Variants in ACOT1 observed in about 807,000 individuals in gnomAD.
ACOT1 encodes the protein acyl-coenzyme A thioesterase 1.
Under a neutral mutation model 15.7 loss-of-function variants are expected in ACOT1, and 8 were observed. That is an observed-to-expected ratio of 0.51 (90% confidence interval 0.30 to 0.92). The LOEUF is 0.92. Among genes scored for constraint, ACOT1 ranks in the 40% least tolerant of loss-of-function variants. The pLI, the probability that ACOT1 is intolerant of heterozygous loss-of-function variation, is 0.06. For missense variants in ACOT1, 151 were observed against 539.4 expected (o/e 0.28, Z 7.13); for synonymous variants, 67 against 241.2 (o/e 0.28, Z 6.69).
At chr14:73,516,515 T>G in the ACOT1 span, among the ~76,000 whole-genome samples, 1 of 148,638 alleles carries the variant, frequency 6.7e-6, no homozygotes, top group African/African-American at 2.5e-5. Flanking sequence ...ATATTTAACC[T>G]CATAGGAATA....
chr14:73,521,765 A>G, the ACOT1 span, among the ~76,000 whole-genome samples: 1 of 152,154 alleles, frequency 6.6e-6, no homozygotes, highest in African/African-American at 2.4e-5. Context: ...TTCCTTATTC[A>G]GAGTAAGGCA....
the ACOT1 span, chr14:73,492,212 T>C: frequency 6.2e-7 from 1 of 1,613,870 alleles, no homozygotes; most frequent in East Asian, 2.2e-5. The surrounding 1 kb of genome is among the most constrained non-coding windows in gnomAD (Gnocchi z 4.9). Flanking sequence ...TTTGCTGTAT[T>C]TTCCTCGGGG....
At chr14:73,509,007 C>T in the ACOT1 span, among the ~76,000 whole-genome samples, 1 of 151,952 alleles carries the variant, frequency 6.6e-6, no homozygotes, top group East Asian at 1.9e-4. Context: ...GCTGGGTCTA[C>T]AGGAGCACAC....
chr14:73,514,017 C>G, the ACOT1 span: 3 of 1,613,218 alleles, frequency 1.9e-6, no homozygotes, highest in Non-Finnish European at 2.5e-6. Flanking sequence ...ATCACAGGAC[C>G]TCCCTTCACT....
the ACOT1 span, chr14:73,523,082 C>T: frequency 2.0e-5 from 32 of 1,612,848 alleles, no homozygotes; most frequent in South Asian, 3.3e-4. Flanking sequence ...CATGCCCCAT[C>T]CCAGTCGTGG....
the ACOT1 span, among the ~76,000 whole-genome samples, chr14:73,528,426 G>T: frequency 6.9e-6 from 1 of 144,500 alleles, no homozygotes; most frequent in Non-Finnish European, 1.5e-5. Flanking sequence ...TTAAGGAATA[G>T]TTATTATCTG....
chr14:73,502,173 C>T, the ACOT1 span, among the ~76,000 whole-genome samples: 1 of 151,706 alleles, frequency 6.6e-6, no homozygotes, highest in Non-Finnish European at 1.5e-5. Context: ...GGATTACAGG[C>T]GTGTGCCACT....
At chr14:73,501,361 G>A in the ACOT1 span, among the ~76,000 whole-genome samples, 1,054 of 151,944 alleles carry the variant, frequency 6.9e-3, 11 homozygotes, top group African/African-American at 0.024. Context: ...TCCTGACCTC[G>A]TGATCTGCCC....
At chr14:73,492,936 T>C in the ACOT1 span, 1 of 1,611,832 alleles carries the variant, frequency 6.2e-7, no homozygotes. The surrounding 1 kb of genome is among the most constrained non-coding windows in gnomAD (Gnocchi z 4.9). Flanking sequence ...CCTCTAGCCC[T>C]AAATTAGTTT....
chr14:73,493,292 T>C, the ACOT1 span: 1 of 591,890 alleles, frequency 1.7e-6, no homozygotes, highest in Non-Finnish European at 3.0e-6. Context: ...TTTGGATCTT[T>C]CATCTGAGTT....
chr14:73,502,703 A>T, the ACOT1 span, among the ~76,000 whole-genome samples: 4 of 152,138 alleles, frequency 2.6e-5, no homozygotes, highest in African/African-American at 9.6e-5. Flanking sequence ...ATGTGCCACC[A>T]CGCCTGGCTA....
chr14:73,491,673 A>G, the ACOT1 span: 5 of 1,549,688 alleles, frequency 3.2e-6, no homozygotes, highest in Non-Finnish European at 3.5e-6. Context: ...GATCACTTTT[A>G]CCGGCGCCTA....
the ACOT1 span, chr14:73,491,736 G>C: frequency 6.4e-7 from 1 of 1,554,332 alleles, no homozygotes; most frequent in Non-Finnish European, 8.7e-7. Flanking sequence ...TACTACCAGG[G>C]ACTTTTCTCT....
At chr14:73,491,929 C>T in the ACOT1 span, 1 of 1,613,734 alleles carries the variant, frequency 6.2e-7, no homozygotes, top group Non-Finnish European at 8.5e-7. Flanking sequence ...CGCAGGCTTT[C>T]TCTACTACTG....
chr14:73,507,605 A>AT, the ACOT1 span, among the ~76,000 whole-genome samples: 17 of 151,210 alleles, frequency 1.1e-4, no homozygotes, highest in African/African-American at 3.6e-4. Context: ...GACTAATTTT[A>AT]TTTCTTTTTT....
chr14:73,539,664 G>C (rs1889007150), intron 1 of ACOT1: 1 of 117,246 alleles, frequency 8.5e-6, no homozygotes, highest in South Asian at 2.7e-4. Context: ...AAGCTGCGGT[G>C]CTGCTGCAGT....
chr14:73,501,696 T>G, the ACOT1 span, among the ~76,000 whole-genome samples: 1 of 148,932 alleles, frequency 6.7e-6, no homozygotes, highest in African/African-American at 2.5e-5. Context: ...TGCCTCAGCC[T>G]CCCAAGTAGC....
the ACOT1 span, chr14:73,499,238 T>C: frequency 9.5e-7 from 1 of 1,056,432 alleles, no homozygotes; most frequent in Non-Finnish European, 1.5e-6. Context: ...CCCAGCATTT[T>C]GGGATGCCAA....
chr14:73,522,940 A>T, the ACOT1 span: 2 of 1,614,190 alleles, frequency 1.2e-6, no homozygotes, highest in Non-Finnish European at 1.7e-6. Flanking sequence ...GAGAGAAGGT[A>T]AGGTTTGCAG....
Sources: allele counts gnomAD v4.1 joint callset (sites outside exome capture counted in the v4.1 genomes callset), GRCh38; gene constraint gnomAD v4.1.1; non-coding constraint Gnocchi (gnomAD v3.1); transcripts MANE v1.5; gene names NCBI Gene and HGNC (gene_info 2026-07-23, HGNC 2026-07-21).